Variants in OR2M3 observed in about 807,000 individuals in gnomAD.
OR2M3 encodes olfactory receptor family 2 subfamily M member 3.
Under a neutral mutation model 4.3 loss-of-function variants are expected in OR2M3, and 1 was observed. The observed-to-expected ratio is 0.23, with a 90% CI of 0.08 to 1.11. The LOEUF (loss-of-function observed/expected upper bound fraction) is 1.11, where lower values mean the gene tolerates loss of function less well. OR2M3 is among the 50% of genes most tolerant of loss of function. OR2M3 has a pLI of 0.54. For missense variants in OR2M3, 410 were observed against 390.4 expected (o/e 1.05, Z -0.42); for synonymous variants, 151 against 139.4 (o/e 1.08, Z -0.59).
At position 248,203,767 on chromosome 1, in the gene OR2M3, C is replaced by G. The variant is rs748575324; in HGVS notation, c.700C>G (p.Arg234Gly). 6.2e-7 allele frequency: 1 copy of G among 1,612,340 alleles called. No homozygotes were observed. The highest frequency in any genetic ancestry group is 8.5e-7 in the Non-Finnish European group (1 of 1,179,792). ...CATTCACATGGGATCTGGAGAGGGT[C>G]GTCGCAAAGCTTTTACTACTTGTTC... is the stretch of plus-strand genomic sequence containing the variant. ...AVIHMGSGEGRRKAFTTCSSH... is the reference protein window; with the variant it reads ...AVIHMGSGEGGRKAFTTCSSH... Residue 234 changes from arginine to glycine, a missense_variant, in exon 2 of 2, where the codon CGT (arginine) becomes GGT (glycine). Transcript: ENST00000641626.
intron 1 of OR2M3, 26 bp from the exon 2 acceptor site, chr1:248,203,024 T>TTAA (rs1188389716): frequency 6.4e-7 from 1 of 1,564,038 alleles, no homozygotes; most frequent in African/African-American, 1.4e-5. Flanking sequence ...TTTTACCAAA[T>TTAA]TAATACGCTG....
intron 1 of OR2M3, among the ~76,000 whole-genome samples, chr1:248,198,748 T>G (rs965633826): frequency 3.3e-5 from 5 of 152,172 alleles, no homozygotes; most frequent in African/African-American, 9.7e-5. Context: ...CTCATCATGA[T>G]TTTCATAATT....
At chr1:248,202,475 A>G (rs1456598771) in intron 1 of OR2M3, among the ~76,000 whole-genome samples, 3 of 152,218 alleles carry the variant, frequency 2.0e-5, no homozygotes, top group African/African-American at 7.2e-5. Flanking sequence ...GGCTATGGAA[A>G]AAATGGCCTA....
Position 248,208,461 on chromosome 1 carries a change from G to T in OR2M3, c.*4455G>T, listed in dbSNP as rs1430430134. ...GGAGGCTCTATTTGGTGTATTCCAA[G>T]AATTTGTTTCAAGGTTTAGAGCTCC... is the stretch of plus-strand genomic sequence containing the variant. On this transcript the variant is annotated 3_prime_UTR_variant, in exon 2 of 2. Coordinates refer to ENST00000641626, the MANE Select transcript of OR2M3 (RefSeq NM_001004689.2). 2.0e-5 allele frequency: 3 copies of T among 152,124 alleles called. No homozygotes were observed. The highest frequency in any genetic ancestry group is 2.9e-5 in the Non-Finnish European group (2 of 68,002). The allele number at this position is 152,124 out of a possible 1,614,324, so 9.4% of individuals were successfully genotyped here. A position where few individuals can be genotyped will look rare whatever the true frequency, so the allele number is the denominator to read the frequency against.
rs1666198509 is a variant in OR2M3 at position 248,204,116 on chromosome 1, T to C, written c.*110T>C. 4.3e-6 allele frequency: 4 copies of C among 940,846 alleles called. No individual in the cohort carries two copies. Among genetic ancestry groups the C allele is most frequent in the Non-Finnish European group, 6.5e-6 (4 of 611,268 alleles). 58.3% of individuals were successfully genotyped at this position (940,846 alleles called of 1,614,324 possible). On this transcript the variant is annotated 3_prime_UTR_variant, in exon 2 of 2. Transcript: ENST00000641626. ...ATTCATTGTGTACATAAATCTGCAA[T>C]GACATATTTATGTGCACCTATATAA...
intron 1 of OR2M3, among the ~76,000 whole-genome samples, chr1:248,198,830 T>C (rs1474030861): frequency 6.6e-6 from 1 of 152,176 alleles, no homozygotes; most frequent in Non-Finnish European, 1.5e-5. Flanking sequence ...ATTTCATAAC[T>C]TCTGTGTTAC....
chr1:248,202,275 C>G (rs934707654), intron 1 of OR2M3, among the ~76,000 whole-genome samples: 1 of 103,858 alleles, frequency 9.6e-6, no homozygotes, highest in South Asian at 3.4e-4. Flanking sequence ...CCCCATCACA[C>G]GGTAATCCCC....
rs1049118037 is a variant in OR2M3 at position 248,211,170 on chromosome 1, A to G, written c.*7164A>G. 6 of 152,026 alleles carry G rather than the reference A, an allele frequency of 3.9e-5. No homozygotes were observed. Among genetic ancestry groups the G allele is most frequent in the Non-Finnish European group, 8.8e-5 (6 of 68,016 alleles). The allele number at this position is 152,026 out of a possible 1,614,324, so 9.4% of individuals were successfully genotyped here. A position where few individuals can be genotyped will look rare whatever the true frequency, so the allele number is the denominator to read the frequency against. ...CTTTTACATTTTTAGTCTGTATTTT[A>G]TAGTCATTTTTATTTTGGGGGGACT... On this transcript the variant is annotated 3_prime_UTR_variant, in exon 2 of 2. Transcript: ENST00000641626.
intron 1 of OR2M3, among the ~76,000 whole-genome samples, chr1:248,200,729 G>A (rs1235073999): frequency 6.6e-6 from 1 of 152,058 alleles, no homozygotes; most frequent in East Asian, 1.9e-4. Flanking sequence ...GGTCAAAGTT[G>A]TCCTTGGGTT....
Position 248,209,692 on chromosome 1 carries a change from G to C in OR2M3, c.*5686G>C, listed in dbSNP as rs562659340. The C allele has an allele frequency of 2.0e-4, 30 of 152,218 alleles. No homozygotes were observed. The highest frequency in any genetic ancestry group is 7.2e-4 in the African/African-American group (30 of 41,428). 9.4% of individuals were successfully genotyped at this position (152,218 alleles called of 1,614,324 possible). On this transcript the variant is annotated 3_prime_UTR_variant, in exon 2 of 2. Coordinates refer to ENST00000641626, the MANE Select transcript of OR2M3 (RefSeq NM_001004689.2). ...ATGGATACCAGTTCCTGCTCCAGTC[G>C]ATGTAGCAGGGGAGTGAAAGGAACT... is the stretch of plus-strand genomic sequence containing the variant.
At chr1:248,197,891 A>AT (rs759255389) in intron 1 of OR2M3, among the ~76,000 whole-genome samples, 3 of 152,012 alleles carry the variant, frequency 2.0e-5, no homozygotes, top group Admixed American at 6.6e-5. Flanking sequence ...TAGAACATAA[A>AT]TTTTTTCCTT....
In OR2M3 at chr1:248,206,036, G is replaced by C. The variant is rs543533656; in HGVS notation, c.*2030G>C. 1 of 150,878 alleles carries C rather than the reference G, an allele frequency of 6.6e-6. No individual in the cohort carries two copies. Among genetic ancestry groups the C allele is most frequent in the African/African-American group, 2.4e-5 (1 of 41,208 alleles). The allele number at this position is 150,878 out of a possible 1,614,324, so 9.3% of individuals were successfully genotyped here. Reference sequence around the variant, plus strand: ...GGTTAGGTATACTCCTTAATATTTTGTGTTGTTGTTGTTATATTATTTGCT... The same window carrying C: ...GGTTAGGTATACTCCTTAATATTTTCTGTTGTTGTTGTTATATTATTTGCT... On this transcript the variant is annotated 3_prime_UTR_variant, in exon 2 of 2. Coordinates refer to ENST00000641626, the MANE Select transcript of OR2M3 (RefSeq NM_001004689.2).
At position 248,211,713 on chromosome 1, in the gene OR2M3, A is replaced by G. The variant is rs1050778692; in HGVS notation, c.*7707A>G. The stretch of plus-strand genomic sequence containing the variant: ...GCCCATGCGAAATCTATCTCAATCA[A>G]AAGTGCATTATTCTTAGAAGCAGAT... On this transcript the variant is annotated 3_prime_UTR_variant, in exon 2 of 2. Coordinates refer to ENST00000641626, the MANE Select transcript of OR2M3 (RefSeq NM_001004689.2). The G allele has an allele frequency of 6.6e-6, 1 of 152,018 alleles. No homozygotes were observed. Among genetic ancestry groups the G allele is most frequent in the Admixed American group, 6.6e-5 (1 of 15,250 alleles). 9.4% of individuals were successfully genotyped at this position (152,018 alleles called of 1,614,324 possible).
intron 1 of OR2M3, among the ~76,000 whole-genome samples, chr1:248,199,741 G>A (rs1666135751): frequency 6.6e-6 from 1 of 151,958 alleles, no homozygotes; most frequent in African/African-American, 2.4e-5. Context: ...TCAATTTTGT[G>A]ACTTCTAAAT....
chr1:248,199,684 A>G (rs1397131630), intron 1 of OR2M3, among the ~76,000 whole-genome samples: 1 of 152,104 alleles, frequency 6.6e-6, no homozygotes, highest in Non-Finnish European at 1.5e-5. Flanking sequence ...AAATATTCAC[A>G]TGGATCTTAA....
At chr1:248,202,436 G>A (rs1202255577) in intron 1 of OR2M3, among the ~76,000 whole-genome samples, 1 of 152,030 alleles carries the variant, frequency 6.6e-6, no homozygotes, top group Non-Finnish European at 1.5e-5. Context: ...ATCTTTTTGG[G>A]AAGAAATACA....
intron 1 of OR2M3, 83 bp from the exon 2 acceptor site, chr1:248,202,967 C>T (rs1444143767): frequency 3.2e-6 from 4 of 1,234,436 alleles, no homozygotes; most frequent in Non-Finnish European, 3.4e-6. Flanking sequence ...GATCACCCAA[C>T]TACAGAAGTT....
At chr1:248,201,795 A>G (rs1666160713) in intron 1 of OR2M3, among the ~76,000 whole-genome samples, 1 of 152,060 alleles carries the variant, frequency 6.6e-6, no homozygotes, top group Non-Finnish European at 1.5e-5. Flanking sequence ...TTATGGCTGC[A>G]TAGAATGATG....
Position 248,209,497 on chromosome 1 carries a change from C to G in OR2M3, c.*5491C>G, listed in dbSNP as rs192651035. On this transcript the variant is annotated 3_prime_UTR_variant, in exon 2 of 2. Coordinates refer to ENST00000641626, the MANE Select transcript of OR2M3 (RefSeq NM_001004689.2). Reference sequence around the variant, plus strand: ...TTCTGCTGTTCAGTGTCTTTTGTCCCACTGAGTGCTCCCTCGATGTGGTGT... The same window carrying G: ...TTCTGCTGTTCAGTGTCTTTTGTCCGACTGAGTGCTCCCTCGATGTGGTGT... 143 of 152,162 alleles carry G rather than the reference C, an allele frequency of 9.4e-4. No homozygotes were observed. The highest frequency in any genetic ancestry group is 3.3e-3 in the African/African-American group (135 of 41,512). The allele number at this position is 152,162 out of a possible 1,614,324, so 9.4% of individuals were successfully genotyped here. A position where few individuals can be genotyped will look rare whatever the true frequency, so the allele number is the denominator to read the frequency against.
Sources: gnomAD v4.1 joint callset for allele counts (sites outside exome capture counted in the v4.1 genomes callset) on GRCh38, gnomAD v4.1.1 for gene constraint, MANE v1.5 for transcripts, NCBI Gene and HGNC (gene_info 2026-07-23, HGNC 2026-07-21) for gene names.